The following CLDN16 variants were observed in gnomAD, a reference collection of about 807,000 sequenced individuals.
The protein encoded by CLDN16 is claudin 16.
CLDN16 carries 13 observed loss-of-function variants against 24.6 expected under a neutral mutation model. The observed-to-expected ratio is 0.53, with a 90% CI of 0.34 to 0.84. The LOEUF is 0.84. Among genes scored for constraint, CLDN16 ranks in the 40% least tolerant of loss-of-function variants. The pLI is 0.01. For missense variants in CLDN16, 298 were observed against 292.7 expected (o/e 1.02, Z -0.13); for synonymous variants, 116 against 106.7 (o/e 1.09, Z -0.54).
At chr3:190,322,238 G>A (rs746905168), upstream of CLDN16, 5 of 1,599,942 alleles carry the variant, frequency 3.1e-6, no homozygotes, top group South Asian at 2.2e-5. Context: ...TGGCTCAGGG[G>A]TGGCAGGTGC....
intron 3 of CLDN16, among the ~76,000 whole-genome samples, chr3:190,377,978 A>G (rs903101790): frequency 3.3e-5 from 5 of 151,992 alleles, no homozygotes; most frequent in Non-Finnish European, 5.9e-5. Flanking sequence ...TGGGGATAAC[A>G]AAGTAGAAGT....
chr3:190,405,863 T>C (rs1401792777), intron 3 of CLDN16, among the ~76,000 whole-genome samples: 1 of 152,212 alleles, frequency 6.6e-6, no homozygotes, highest in Non-Finnish European at 1.5e-5. Context: ...AATGATACTT[T>C]ATTCAGGTCT....
the CLDN16 span, chr3:190,313,258 C>T: frequency 3.6e-6 from 2 of 550,038 alleles, no homozygotes; most frequent in South Asian, 4.4e-5. Context: ...TCCCTCCACT[C>T]CAATATTTTA....
chr3:190,402,831 G>A (rs1411961604), intron 2 of CLDN16, among the ~76,000 whole-genome samples: 6 of 152,106 alleles, frequency 3.9e-5, no homozygotes, highest in African/African-American at 1.4e-4. Context: ...TTTAAGCTAT[G>A]ACTTAGTTCA....
chr3:190,364,637 T>G (rs1395664768), intron 1 of CLDN16, among the ~76,000 whole-genome samples: 1 of 151,912 alleles, frequency 6.6e-6, no homozygotes, highest in Non-Finnish European at 1.5e-5. Context: ...AACTTACACT[T>G]CTAGTAGCAT....
At chr3:190,381,153 A>G (rs939286725) in intron 3 of CLDN16, among the ~76,000 whole-genome samples, 15 of 152,162 alleles carry the variant, frequency 9.9e-5, no homozygotes, top group African/African-American at 2.9e-4. Context: ...CAGTGCAAAC[A>G]GCGAGAAAAA....
intron 1 of CLDN16, among the ~76,000 whole-genome samples, chr3:190,351,510 G>C (rs774623287): frequency 6.6e-6 from 1 of 151,962 alleles, no homozygotes; most frequent in Non-Finnish European, 1.5e-5. Context: ...CTAGTCCATA[G>C]GATTGTAGTA....
At chr3:190,367,646 A>G (rs1013144101) in intron 1 of CLDN16, among the ~76,000 whole-genome samples, 6 of 151,984 alleles carry the variant, frequency 3.9e-5, no homozygotes, top group African/African-American at 1.4e-4. Context: ...TTATTATGGA[A>G]AATGAAACCT....
chr3:190,389,914 A>G (rs1212942280), intron 1 of CLDN16, among the ~76,000 whole-genome samples: 1 of 152,254 alleles, frequency 6.6e-6, no homozygotes, highest in Admixed American at 6.5e-5. Flanking sequence ...AATATTTTCT[A>G]AAACAATTTA....
intron 2 of CLDN16, among the ~76,000 whole-genome samples, chr3:190,372,831 G>T (rs537640361): frequency 1.3e-5 from 2 of 151,842 alleles, no homozygotes; most frequent in Non-Finnish European, 2.9e-5. Flanking sequence ...TTCCCAATAC[G>T]AGGGGCTTGT....
intron 3 of CLDN16, among the ~76,000 whole-genome samples, chr3:190,378,071 A>G (rs924025854): frequency 6.6e-6 from 1 of 151,952 alleles, no homozygotes; most frequent in African/African-American, 2.4e-5. Context: ...TTATTTACTT[A>G]CTGGAAAAAC....
At chr3:190,312,046 TCAG>T in the CLDN16 span, among the ~76,000 whole-genome samples, 20 of 151,936 alleles carry the variant, frequency 1.3e-4, no homozygotes, top group Admixed American at 3.3e-4. Flanking sequence ...TTCTCATGCC[TCAG>T]CCTCTGGAGT....
At chr3:190,366,338 GAC>G (rs1207455492) in intron 1 of CLDN16, among the ~76,000 whole-genome samples, 1 of 151,904 alleles carries the variant, frequency 6.6e-6, no homozygotes, top group African/African-American at 2.4e-5. Context: ...CAATGCCACT[GAC>G]ACAGCATGCC....
chr3:190,314,245 C>G, the CLDN16 span, among the ~76,000 whole-genome samples: 1 of 152,084 alleles, frequency 6.6e-6, no homozygotes, highest in Non-Finnish European at 1.5e-5. Context: ...CTAATCAGGC[C>G]TAGGCTTAGT....
At chr3:190,357,047 A>T (rs1331803785) in intron 1 of CLDN16, among the ~76,000 whole-genome samples, 1 of 151,948 alleles carries the variant, frequency 6.6e-6, no homozygotes, top group Non-Finnish European at 1.5e-5. Context: ...TGATATATTC[A>T]AAGTATATGT....
Position 190,409,898 on chromosome 3 carries a change from A to G in CLDN16, c.575-5A>G. On this transcript the variant is annotated splice_region_variant and splice_polypyrimidine_tract_variant and intron_variant, in intron 4 of 4. Transcript: ENST00000264734. ...TCTACTTATTTTTATATTTCTTTCA[A>G]ACAGATGTTGGACCTGAGAGAAACT... 3 of 1,613,778 alleles carry G rather than the reference A, an allele frequency of 1.9e-6. No individual in the cohort carries two copies. In the South Asian group the frequency reaches 3.3e-5, roughly 18 times the overall value.
intron 1 of CLDN16, among the ~76,000 whole-genome samples, chr3:190,368,796 A>G (rs965771649): frequency 1.3e-5 from 2 of 151,908 alleles, no homozygotes; most frequent in Non-Finnish European, 2.9e-5. Context: ...ATTGGTTACA[A>G]ATGCTTACAA....
rs548085593 is a variant in CLDN16, at chr3:190,348,676, G to A, written n.122-22217G>A. 8.2e-4 allele frequency among the ~76,000 whole-genome samples: 124 copies of A among 152,134 alleles called. 1 individual carries two copies. Among genetic ancestry groups the A allele is most frequent in the Admixed American group, 7.7e-3 (117 of 15,280 alleles). ...AATATTTAAAGAATTCATTTTTTAA[G>A]TTTTAAGGTCAGGGGTACATGTGCA... On this transcript the variant is annotated intron_variant and non_coding_transcript_variant, in intron 1 of 4. Coordinates refer to the CLDN16 transcript ENST00000468220.
intron 1 of CLDN16, among the ~76,000 whole-genome samples, chr3:190,334,305 G>C (rs1473275857): frequency 6.6e-6 from 1 of 152,166 alleles, no homozygotes; most frequent in African/African-American, 2.4e-5. Context: ...AAGAGGAAAA[G>C]TATTTGAGAA....
Sources: allele counts gnomAD v4.1 joint callset (sites outside exome capture counted in the v4.1 genomes callset), GRCh38; gene constraint gnomAD v4.1.1; transcripts MANE v1.5; gene names NCBI Gene and HGNC (gene_info 2026-07-23, HGNC 2026-07-21).